CRACD: variants seen among roughly 807,000 people sequenced by gnomAD.
CRACD encodes the protein capping protein inhibiting regulator of actin dynamics.
In CRACD, 56 loss-of-function variants were observed where a neutral mutation model predicts 106.8. That is an observed-to-expected ratio of 0.52 (90% CI 0.42 to 0.66). The LOEUF (loss-of-function observed/expected upper bound fraction) is 0.66. Among genes scored for constraint, CRACD ranks in the 30% least tolerant of loss-of-function variants. The probability of loss-of-function intolerance (pLI) is 0.00; values close to 1 mark genes in which losing one functional copy is unlikely to be tolerated. For missense variants in CRACD, 1,730 were observed against 1,623.2 expected, an observed-to-expected ratio of 1.07 and a Z score of -1.13; for synonymous variants, 754 against 670.8, an observed-to-expected ratio of 1.12 and a Z score of -1.92.
intron 1 of CRACD, among the ~76,000 whole-genome samples, chr4:56,050,318 TG>T (rs1553898313): frequency 8.7e-6 from 1 of 115,198 alleles, no homozygotes; most frequent in Non-Finnish European, 1.9e-5. Context: ...GTGTGTGTAT[TG>T]GGGGTGGTAA....
intron 1 of CRACD, among the ~76,000 whole-genome samples, chr4:56,160,894 A>G (rs978697043): frequency 1.3e-5 from 2 of 152,198 alleles, no homozygotes; most frequent in Non-Finnish European, 2.9e-5. Flanking sequence ...AGGCTGGAAT[A>G]CCTTGTGCGT....
At chr4:56,239,885 A>G (rs1174242372) in intron 2 of CRACD, among the ~76,000 whole-genome samples, 1 of 152,130 alleles carries the variant, frequency 6.6e-6, no homozygotes, top group Non-Finnish European at 1.5e-5. Flanking sequence ...TAGAATATGC[A>G]CACTTTAGAC....
chr4:56,210,875 C>T (rs553050392), intron 2 of CRACD, among the ~76,000 whole-genome samples: 5 of 152,256 alleles, frequency 3.3e-5, no homozygotes, highest in Admixed American at 3.3e-4. Flanking sequence ...GTTCTCCATG[C>T]CTGGTCTCTG....
intron 4 of CRACD, among the ~76,000 whole-genome samples, chr4:56,303,390 T>A (rs549055669): frequency 2.0e-4 from 30 of 152,068 alleles, no homozygotes; most frequent in South Asian, 1.0e-3. Context: ...GGATATATAT[T>A]TTTTTTAAAG....
chr4:56,103,264 T>A (rs1444440184), intron 1 of CRACD, among the ~76,000 whole-genome samples: 2 of 152,326 alleles, frequency 1.3e-5, no homozygotes, highest in South Asian at 2.1e-4. Flanking sequence ...AGATTTATAT[T>A]CATTGCTCAA....
intron 1 of CRACD, among the ~76,000 whole-genome samples, chr4:56,144,326 A>C (rs1735305327): frequency 6.6e-6 from 1 of 152,172 alleles, no homozygotes; most frequent in Admixed American, 6.5e-5. Flanking sequence ...AAGGATTTTA[A>C]ACAGAGAAAT....
intron 1 of CRACD, among the ~76,000 whole-genome samples, chr4:56,130,560 G>A (rs1002431175): frequency 1.2e-4 from 18 of 151,502 alleles, no homozygotes; most frequent in Admixed American, 3.9e-4. Context: ...TTATTTATCC[G>A]TTTATCATCT....
chr4:56,211,130 T>C (rs1196670372), intron 2 of CRACD, among the ~76,000 whole-genome samples: 1 of 152,234 alleles, frequency 6.6e-6, no homozygotes, highest in African/African-American at 2.4e-5. Context: ...TAACATTCCA[T>C]TGTAATTTTA....
chr4:56,220,912 T>C (rs1277089102), intron 2 of CRACD, among the ~76,000 whole-genome samples: 1 of 151,960 alleles, frequency 6.6e-6, no homozygotes, highest in Non-Finnish European at 1.5e-5. Context: ...GAAAGATAGA[T>C]AGAAAGTAAA....
intron 1 of CRACD, among the ~76,000 whole-genome samples, chr4:56,128,000 C>T (rs1331821437): frequency 3.3e-5 from 5 of 152,140 alleles, no homozygotes; most frequent in Non-Finnish European, 4.4e-5. Flanking sequence ...TGACTGTTTT[C>T]TCTCTAGAGT....
At chr4:56,180,626 C>G (rs1307579437) in intron 2 of CRACD, among the ~76,000 whole-genome samples, 2 of 152,088 alleles carry the variant, frequency 1.3e-5, no homozygotes, top group South Asian at 2.1e-4. Flanking sequence ...AATATGAGAT[C>G]AAAGGAAATA....
intron 2 of CRACD, among the ~76,000 whole-genome samples, chr4:56,254,073 G>A (rs1458984838): frequency 6.6e-6 from 1 of 151,708 alleles, no homozygotes; most frequent in East Asian, 1.9e-4. Flanking sequence ...TGCAGAACAT[G>A]TAGCAATTGT....
chr4:56,300,831 T>C (rs1384396559), intron 4 of CRACD, among the ~76,000 whole-genome samples: 1 of 152,220 alleles, frequency 6.6e-6, no homozygotes, highest in South Asian at 2.1e-4. Flanking sequence ...ATTGGAAAGA[T>C]AGAAACCCAA....
At chr4:56,307,004 C>A (rs937038787) in intron 4 of CRACD, among the ~76,000 whole-genome samples, 1 of 152,196 alleles carries the variant, frequency 6.6e-6, no homozygotes, top group Non-Finnish European at 1.5e-5. Flanking sequence ...TTTGGGGTCT[C>A]AAGCTAAGGG....
chr4:56,270,377 A>G (rs768934768), intron 2 of CRACD, among the ~76,000 whole-genome samples: 1 of 152,088 alleles, frequency 6.6e-6, no homozygotes, highest in Non-Finnish European at 1.5e-5. Context: ...TTTCTGTGAC[A>G]TCTCAGTAAG....
intron 4 of CRACD, among the ~76,000 whole-genome samples, chr4:56,302,726 A>AT (rs1309229675): frequency 1.3e-5 from 2 of 151,912 alleles, no homozygotes; most frequent in Non-Finnish European, 2.9e-5. Context: ...TTACTTATTT[A>AT]TTTTTTTCTG....
chr4:56,199,720 C>A (rs1044277536), intron 2 of CRACD, among the ~76,000 whole-genome samples: 2 of 150,618 alleles, frequency 1.3e-5, no homozygotes, highest in African/African-American at 4.9e-5. Flanking sequence ...AAAAAGAGAA[C>A]CTAATATTTC....
At chr4:56,229,386 G>A (rs1739485435) in intron 2 of CRACD, among the ~76,000 whole-genome samples, 1 of 152,152 alleles carries the variant, frequency 6.6e-6, no homozygotes, top group Admixed American at 6.6e-5. Flanking sequence ...TGAGAAGGCA[G>A]CAAGAATGGG....
At chr4:56,319,909 C>T (rs935144669) in intron 8 of CRACD, among the ~76,000 whole-genome samples, 2 of 152,120 alleles carry the variant, frequency 1.3e-5, no homozygotes, top group African/African-American at 4.8e-5. Flanking sequence ...CACGGTGGCT[C>T]ACACCTATAA....
Sources: gnomAD v4.1 joint callset for allele counts (sites outside exome capture counted in the v4.1 genomes callset) on GRCh38, gnomAD v4.1.1 for gene constraint, MANE v1.5 for transcripts, NCBI Gene and HGNC (gene_info 2026-07-23, HGNC 2026-07-21) for gene names.